GRK4: variants seen among roughly 807,000 people sequenced by gnomAD.
GRK4 encodes G protein-coupled receptor kinase 4.
GRK4 carries 73 observed loss-of-function variants against 77.9 expected under a neutral mutation model. The observed-to-expected ratio is 0.94, with a 90% CI of 0.78 to 1.14. The LOEUF (loss-of-function observed/expected upper bound fraction) is 1.14. Among genes scored for constraint, GRK4 ranks in the 50% most tolerant of loss-of-function variants. The pLI is 0.00. For missense variants in GRK4, 729 were observed against 700.2 expected, an observed-to-expected ratio of 1.04 and a Z score of -0.46; for synonymous variants, 257 against 254.4, an observed-to-expected ratio of 1.01 and a Z score of -0.10.
intron 4 of GRK4, among the ~76,000 whole-genome samples, chr4:3,001,541 T>A (rs1321933847): frequency 6.6e-6 from 1 of 151,940 alleles, no homozygotes; most frequent in Non-Finnish European, 1.5e-5. Context: ...TAAATTTTTG[T>A]ATTTTTAGTA....
intron 4 of GRK4, among the ~76,000 whole-genome samples, chr4:2,996,570 G>A (rs1015058667): frequency 2.0e-5 from 3 of 151,910 alleles, no homozygotes; most frequent in Admixed American, 2.0e-4. Flanking sequence ...AAAAAAAAAT[G>A]CCTCTTAATG....
chr4:3,007,391 C>T (rs1403401997), intron 5 of GRK4, among the ~76,000 whole-genome samples: 3 of 152,206 alleles, frequency 2.0e-5, no homozygotes, highest in Non-Finnish European at 4.4e-5. Context: ...GCCGGACTTG[C>T]AGTGGCCCAT....
chr4:2,984,812 A>C (rs1455434872), intron 2 of GRK4, among the ~76,000 whole-genome samples: 2 of 152,000 alleles, frequency 1.3e-5, no homozygotes, highest in African/African-American at 4.8e-5. Flanking sequence ...TTTTTCATTA[A>C]AAATATATAT....
chr4:2,980,436 C>T (rs939492781), intron 1 of GRK4, among the ~76,000 whole-genome samples: 1 of 151,972 alleles, frequency 6.6e-6, no homozygotes, highest in African/African-American at 2.4e-5. Flanking sequence ...GGAAGGAACA[C>T]TGAACCCCAC....
At chr4:3,029,104 G>T (rs777794677) in intron 11 of GRK4, 97 bp from the exon 12 acceptor site, 1 of 919,996 alleles carries the variant, frequency 1.1e-6, no homozygotes, top group Non-Finnish European at 1.7e-6. Flanking sequence ...CGTCCATGTT[G>T]TCACACACGT....
chr4:2,997,784 T>C (rs1169698068), intron 4 of GRK4, among the ~76,000 whole-genome samples: 1 of 151,622 alleles, frequency 6.6e-6, no homozygotes, highest in Non-Finnish European at 1.5e-5. Flanking sequence ...GGTGCACGCC[T>C]ATAGTCCCAG....
Position 2,964,031 on chromosome 4 carries a change from T to G in GRK4, c.-40T>G. On this transcript the variant is annotated 5_prime_UTR_variant, in exon 1 of 16. Transcript: ENST00000398052. The stretch of plus-strand genomic sequence containing the variant: ...CTCCTGTTCCGCCTCCTCAGTCTCC[T>G]CGGTCTCGCAGAATCCGCCGGCGGC... 3 of 1,594,232 alleles carry G rather than the reference T, an allele frequency of 1.9e-6. No homozygotes were observed. The South Asian group carries it at 3.4e-5, about 18-fold the overall frequency.
chr4:2,984,398 T>C (rs1388302047), intron 1 of GRK4, 115 bp from the exon 2 acceptor site: 3 of 534,526 alleles, frequency 5.6e-6, no homozygotes, highest in Non-Finnish European at 6.9e-6. Context: ...TTTTTATTCA[T>C]GATAGGTACC....
chr4:2,996,044 G>A (rs888874541), intron 4 of GRK4, among the ~76,000 whole-genome samples: 14 of 152,114 alleles, frequency 9.2e-5, no homozygotes, highest in Non-Finnish European at 1.8e-4. Flanking sequence ...ATAATTCGAA[G>A]GGGCTCACAT....
rs557431473 is a variant in GRK4, at chr4:3,004,035, A to G, written c.340-196A>G. Reference sequence around the variant, plus strand: ...CATCTGGCCCTGTGTGTGTTTTGATATGCATCGGAGAAGATCTGAAAAGGC... The same window carrying G: ...CATCTGGCCCTGTGTGTGTTTTGATGTGCATCGGAGAAGATCTGAAAAGGC... On this transcript the variant is annotated intron_variant, in intron 4 of 15. Transcript: ENST00000398052. Among the ~76,000 whole-genome samples the G allele has an allele frequency of 2.0e-5, 3 of 152,320 alleles. No homozygotes were observed. In the South Asian group the frequency reaches 6.2e-4, roughly 32 times the overall value.
rs770112448 is a variant in GRK4 at position 3,013,702 on chromosome 4, A to G, written c.615A>G (p.Gln205=). The change falls in exon 8 of 16, where the codon CAA becomes CAG. Residue 205 remains glutamine, a synonymous_variant. Transcript: ENST00000398052. ...KGGFGEVCAC[Q]VRATGKMYAC... ...GTTTAAACTAGGTTTGCGCCTGTCA[A>G]GTGCGAGCCACAGGAAAAATGTATG... 2 of 1,610,474 alleles carry G rather than the reference A, an allele frequency of 1.2e-6. No individual in the cohort carries two copies. Among genetic ancestry groups the G allele is most frequent in the Non-Finnish European group, 1.7e-6 (2 of 1,178,952 alleles).
At chr4:2,993,482 TG>T (rs1726882233) in intron 4 of GRK4, among the ~76,000 whole-genome samples, 2 of 152,176 alleles carry the variant, frequency 1.3e-5, no homozygotes. Context: ...GACACAGGCC[TG>T]GCCAATATGG....
At position 2,988,759 on chromosome 4, in the gene GRK4, C is replaced by G. The variant is rs1281299800; in HGVS notation, c.181C>G (p.Pro61Ala). The stretch of plus-strand genomic sequence containing the variant: ...TTATAGCAGTCTTTGTGACAAGCAA[C>G]CGATAGGAAGACGTCTCTTCAGGCA... ...KDYSSLCDKQ[P>A]IGRRLFRQFC... The change falls in exon 3 of 16, where the codon CCG becomes GCG. Residue 61 changes from proline (P) to alanine (A), a missense_variant. Transcript: ENST00000398052. 6.2e-7 allele frequency: 1 copy of G among 1,612,262 alleles called. No homozygotes were observed. Among genetic ancestry groups the G allele is most frequent in the Non-Finnish European group, 8.5e-7 (1 of 1,178,542 alleles).
At chr4:3,028,048 T>G (rs1738083056) in intron 11 of GRK4, 47 bp downstream of exon 11, 1 of 1,546,956 alleles carries the variant, frequency 6.5e-7, no homozygotes, top group Non-Finnish European at 8.9e-7. Context: ...TCCGGGTGCC[T>G]GAGTGCCTCA....
At chr4:2,979,236 C>CA (rs889776683) in intron 1 of GRK4, among the ~76,000 whole-genome samples, 94 of 144,696 alleles carry the variant, frequency 6.5e-4, no homozygotes, top group East Asian at 1.6e-3. Flanking sequence ...AAAAAAAAAA[C>CA]AAAAAAAAAC....
intron 1 of GRK4, among the ~76,000 whole-genome samples, chr4:2,971,434 A>G (rs1719507539): frequency 6.6e-6 from 1 of 152,170 alleles, no homozygotes; most frequent in African/African-American, 2.4e-5. Flanking sequence ...GGTCATTTGC[A>G]TAATGTTGTG....
At chr4:2,967,840 A>G (rs1405471358) in intron 1 of GRK4, among the ~76,000 whole-genome samples, 2 of 151,246 alleles carry the variant, frequency 1.3e-5, no homozygotes, top group Non-Finnish European at 2.9e-5. Context: ...GCTGGAGTGC[A>G]ATGGCGCAAT....
At chr4:2,971,600 A>G (rs993064579) in intron 1 of GRK4, among the ~76,000 whole-genome samples, 1 of 152,196 alleles carries the variant, frequency 6.6e-6, no homozygotes, top group Admixed American at 6.5e-5. Flanking sequence ...GAAAGCGGGG[A>G]GGACAGTATT....
At chr4:2,972,339 T>TC (rs1304306330) in intron 1 of GRK4, among the ~76,000 whole-genome samples, 1 of 152,134 alleles carries the variant, frequency 6.6e-6, no homozygotes, top group African/African-American at 2.4e-5. Flanking sequence ...CCTTCTGGCC[T>TC]CCTTGTCTTT....
Sources: gnomAD v4.1 joint callset for allele counts (sites outside exome capture counted in the v4.1 genomes callset) on GRCh38, gnomAD v4.1.1 for gene constraint, MANE v1.5 for transcripts, NCBI Gene and HGNC (gene_info 2026-07-23, HGNC 2026-07-21) for gene names.